EIF4G2: variants seen among roughly 807,000 people sequenced by gnomAD.
EIF4G2 encodes the protein eukaryotic translation initiation factor 4 gamma 2.
Under a neutral mutation model 117.7 loss-of-function variants are expected in EIF4G2, and 8 were observed. The ratio of observed to expected loss-of-function variants is 0.07; its 90% CI spans 0.04 to 0.12. The LOEUF (loss-of-function observed/expected upper bound fraction) is 0.12. Among genes scored for constraint, EIF4G2 ranks in the 10% least tolerant of loss-of-function variants. The pLI, the probability that EIF4G2 is intolerant of heterozygous loss-of-function variation, is 1.00. For synonymous variants in EIF4G2, 413 were observed against 367.8 expected (o/e 1.12, Z -1.41); for missense variants, 812 against 1,086.2 (o/e 0.75, Z 3.55).
At position 10,802,158 on chromosome 11, in the gene EIF4G2, G is replaced by C; in HGVS notation, c.1190C>G (p.Thr397Ser). The C allele has an allele frequency of 6.2e-7, 1 of 1,614,178 alleles. No individual in the cohort carries two copies. Among genetic ancestry groups the C allele is most frequent in the Non-Finnish European group, 8.5e-7 (1 of 1,180,042 alleles). The change falls in exon 13 of 22, where the codon ACC (threonine) becomes AGC (serine). Residue 397 changes from threonine to serine, a missense_variant. Thr to Ser is a moderately conservative substitution (Grantham distance 58). Transcript: ENST00000339995. ...TTGATTTGAACGATGACGTCCCATG[G>C]TGGGTGAAAATCTATCCTGGATAAC...
Position 10,802,446 on chromosome 11 carries a change from G to A in EIF4G2, c.997-11C>T. 6.4e-7 allele frequency: 1 copy of A among 1,558,906 alleles called. No individual in the cohort carries two copies. The highest frequency in any genetic ancestry group is 8.6e-7 in the Non-Finnish European group (1 of 1,157,108). On this transcript the variant is annotated splice_polypyrimidine_tract_variant and intron_variant, in intron 11 of 21. Transcript: ENST00000339995. ...AAACACCCCTAGATCCTTTAGAAAT[G>A]AAGTGAATATGCACTTTTTGTCTCT...
chr11:10,803,469 T>C lies in EIF4G2; in HGVS notation c.813+11A>G, dbSNP rs754026294. 1.9e-6 allele frequency: 3 copies of C among 1,610,208 alleles called. No individual in the cohort carries two copies. The African/African-American group carries it at 4.0e-5, about 21-fold the overall frequency. On this transcript the variant is annotated intron_variant, in intron 9 of 21. Coordinates refer to ENST00000339995, the MANE Select transcript of EIF4G2 (RefSeq NM_001418.4). The surrounding 1 kb of genome is among the most constrained non-coding windows in gnomAD (Gnocchi z 4.0). ...AACTACTTGTACTACTTTCATCAGC[T>C]ACACACGTACCTTGGCTCGTTCATG...
Position 10,800,118 on chromosome 11 carries a change from G to A in EIF4G2, c.2091C>T (p.Ser697=), listed in dbSNP as rs1200573185. The A allele has an allele frequency of 6.2e-7, 1 of 1,613,748 alleles. No individual in the cohort carries two copies. Among genetic ancestry groups the A allele is most frequent in the Non-Finnish European group, 8.5e-7 (1 of 1,179,966 alleles). Residue 697 remains serine, a synonymous_variant, in exon 18 of 22, where the codon AGC becomes AGT. Coordinates refer to ENST00000339995, the MANE Select transcript of EIF4G2 (RefSeq NM_001418.4). ...GGAGCATTTTCTGCATATTGACCTT[G>A]CTTTGTTGAAAAAGTTCTGTTAACC... is the stretch of plus-strand genomic sequence containing the variant.
intron 1 of EIF4G2, chr11:10,808,326 G>C (rs1402190553): frequency 3.3e-6 from 4 of 1,203,402 alleles, no homozygotes; most frequent in African/African-American, 3.3e-5. Context: ...CCCTGGTCCC[G>C]CGCCAACGGC....
intron 3 of EIF4G2, 72 bp downstream of exon 3, chr11:10,806,748 T>TTA: frequency 6.5e-7 from 1 of 1,549,068 alleles, no homozygotes; most frequent in Non-Finnish European, 8.9e-7. Flanking sequence ...ATTGCCTTAA[T>TTA]TATACCGTCA....
chr11:10,799,156 T>G, intron 20 of EIF4G2, 43 bp from the exon 21 acceptor site: 2 of 1,603,924 alleles, frequency 1.2e-6, no homozygotes, highest in Non-Finnish European at 1.7e-6. Context: ...AAGCCCATTA[T>G]TTAGTGTTCT....
rs760880212 is a variant in EIF4G2 at position 10,799,920 on chromosome 11, G to A, written c.2120-164C>T. ...AAAAAACTCAACATACGGATCAAAT[G>A]AAAGTAGTTAAATTATAAATCTCTC... is the stretch of plus-strand genomic sequence containing the variant. On this transcript the variant is annotated intron_variant, in intron 18 of 21. Coordinates refer to ENST00000339995, the MANE Select transcript of EIF4G2 (RefSeq NM_001418.4). 4.1e-4 allele frequency: 465 copies of A among 1,143,802 alleles called. 1 individual carries two copies. The highest frequency in any genetic ancestry group is 4.3e-4 in the Non-Finnish European group (356 of 823,572). 70.9% of individuals were successfully genotyped at this position (1,143,802 alleles called of 1,614,324 possible).
Position 10,802,734 on chromosome 11 carries a change from G to A in EIF4G2, c.996+296C>T, listed in dbSNP as rs545757608. 4.6e-5 allele frequency among the ~76,000 whole-genome samples: 7 copies of A among 152,268 alleles called. No homozygotes were observed. The South Asian group carries it at 1.5e-3, about 32-fold the overall frequency. ...TACAAAAAATTAGCGGGGTGTGGTG[G>A]CGCACGCCTATAGTCCCAGCTACTG... On this transcript the variant is annotated intron_variant, in intron 11 of 21. Coordinates refer to ENST00000339995, the MANE Select transcript of EIF4G2 (RefSeq NM_001418.4).
At chr11:10,808,469 ATGACCGCACGGCGGCCTGGCCAACAC>A (rs1446770089) in intron 1 of EIF4G2, 29 of 1,258,056 alleles carry the variant, frequency 2.3e-5, no homozygotes, top group Non-Finnish European at 3.0e-5. Flanking sequence ...CCATCCGGCC[ATGACCGCACGGCGGCCTGGCCAACAC>A]TGACGTTTTC....
intron 15 of EIF4G2, 47 bp from the exon 16 acceptor site, chr11:10,800,882 A>G: frequency 6.2e-7 from 1 of 1,612,312 alleles, no homozygotes; most frequent in Non-Finnish European, 8.5e-7. Flanking sequence ...AGGACTATGA[A>G]ATTAGGGGGA....
intron 3 of EIF4G2, 168 bp downstream of exon 3, chr11:10,806,652 G>A (rs1847580024): frequency 1.4e-5 from 9 of 636,884 alleles, no homozygotes; most frequent in Non-Finnish European, 1.6e-5. Context: ...TAGAAAATTT[G>A]GCTAAGGAAT....
At chr11:10,808,483 G>C in intron 1 of EIF4G2, 1 of 1,251,490 alleles carries the variant, frequency 8.0e-7, no homozygotes, top group Non-Finnish European at 1.0e-6. Flanking sequence ...CCGCACGGCG[G>C]CCTGGCCAAC....
chr11:10,799,174 A>C (rs747620426), intron 20 of EIF4G2, 39 bp downstream of exon 20: 60 of 1,612,562 alleles, frequency 3.7e-5, no homozygotes, highest in Admixed American at 6.7e-5. Flanking sequence ...TCTGTTTAAG[A>C]ACTTCCTCAC....
chr11:10,804,865 T>G (rs2135417363), intron 5 of EIF4G2, 48 bp downstream of exon 5: 1 of 1,502,174 alleles, frequency 6.7e-7, no homozygotes, highest in East Asian at 2.3e-5. Context: ...TTGAGTTTGT[T>G]AAACAGTTCC....
At position 10,807,532 on chromosome 11, in the gene EIF4G2, A is replaced by G. The variant is rs1257090302; in HGVS notation, c.-86-151T>C. 4.6e-6 allele frequency: 6 copies of G among 1,297,004 alleles called. No individual in the cohort carries two copies. In the East Asian group the frequency reaches 1.8e-4, roughly 40 times the overall value. The allele number at this position is 1,297,004 out of a possible 1,614,324, so 80.3% of individuals were successfully genotyped here. Reference sequence around the variant, plus strand: ...AAATGTACTCAAAACACTGACAATTACATTTTGTTTAGCCACCTGGAAATT... The same window carrying G: ...AAATGTACTCAAAACACTGACAATTGCATTTTGTTTAGCCACCTGGAAATT... On this transcript the variant is annotated intron_variant, in intron 1 of 21. Transcript: ENST00000339995.
At position 10,804,195 on chromosome 11, in the gene EIF4G2, T is replaced by A; in HGVS notation, c.492A>T (p.Arg164Ser). 1 of 1,614,168 alleles carries A rather than the reference T, an allele frequency of 6.2e-7. No individual in the cohort carries two copies. The highest frequency in any genetic ancestry group is 8.5e-7 in the Non-Finnish European group (1 of 1,180,024). The change falls in exon 7 of 22, where the codon AGA (arginine) becomes AGT (serine). Residue 164 changes from arginine to serine, a missense_variant. This residue lies in a region of EIF4G2 where 154 missense variants were observed against 322.1 expected (regional missense o/e 0.48). Coordinates refer to ENST00000339995, the MANE Select transcript of EIF4G2 (RefSeq NM_001418.4). Reference sequence around the variant, plus strand: ...CTTGTAATTTGGAAATTAGGAGGCGTCTGAATGTCTGGAAAAGAAGACATT... The same window carrying A: ...CTTGTAATTTGGAAATTAGGAGGCGACTGAATGTCTGGAAAAGAAGACATT...
Position 10,800,986 on chromosome 11 carries a change from G to A in EIF4G2, c.1515C>T (p.Arg505=), listed in dbSNP as rs1564981711. The A allele has an allele frequency of 6.2e-7, 1 of 1,614,188 alleles. No homozygotes were observed. Among genetic ancestry groups the A allele is most frequent in the East Asian group, 2.2e-5 (1 of 44,888 alleles). Reference sequence around the variant, plus strand: ...CCTGTCCCAGAGGTGGTGTTTGAGTGCGTGGTGGTTGTGCACTAGGAGGAA... The same window carrying A: ...CCTGTCCCAGAGGTGGTGTTTGAGTACGTGGTGGTTGTGCACTAGGAGGAA... Residue 505 remains arginine, a synonymous_variant, in exon 15 of 22, where the codon CGC becomes CGT. Coordinates refer to ENST00000339995, the MANE Select transcript of EIF4G2 (RefSeq NM_001418.4).
rs372337706 is a variant in EIF4G2, at chr11:10,801,272, T to TA, written c.1414-186dup. The TA allele has an allele frequency of 5.9e-3, 4,073 of 690,324 alleles. 22 individuals carry two copies. Among genetic ancestry groups the TA allele is most frequent in the Non-Finnish European group, 7.1e-3 (2,973 of 420,880 alleles). 42.8% of individuals were successfully genotyped at this position (690,324 alleles called of 1,614,324 possible). Reference sequence around the variant, plus strand: ...GCAAAAAATTTAAAGATCTGATGCATACAGTAGTAAGATACTATTATAAAT... The same window carrying TA: ...GCAAAAAATTTAAAGATCTGATGCATAACAGTAGTAAGATACTATTATAAAT... On this transcript the variant is annotated intron_variant, in intron 14 of 21. Coordinates refer to ENST00000339995, the MANE Select transcript of EIF4G2 (RefSeq NM_001418.4).
intron 14 of EIF4G2, 185 bp downstream of exon 14, chr11:10,801,474 CAT>C (rs1847414972): frequency 2.7e-6 from 2 of 752,676 alleles, no homozygotes; most frequent in East Asian, 2.5e-5. Context: ...GACTTGCCCT[CAT>C]ATCTCATAAT....
Sources: gnomAD v4.1 joint callset for allele counts (sites outside exome capture counted in the v4.1 genomes callset) on GRCh38, gnomAD v4.1.1 for gene constraint, gnomAD v4.1.1 regional missense constraint, Gnocchi (gnomAD v3.1) non-coding constraint, MANE v1.5 for transcripts, NCBI Gene and HGNC (gene_info 2026-07-23, HGNC 2026-07-21) for gene names.